The following MYO1H variants were observed in gnomAD, a reference collection of about 807,000 sequenced individuals.
MYO1H encodes myosin IH, also known as unconventional myosin-Ih.
Under a neutral mutation model 149.3 loss-of-function variants are expected in MYO1H, and 118 were observed. That is an observed-to-expected ratio of 0.79 (90% CI 0.68 to 0.92). The LOEUF (loss-of-function observed/expected upper bound fraction) is 0.92. Among genes scored for constraint, MYO1H ranks in the 40% least tolerant of loss-of-function variants. MYO1H has a pLI of 0.00. For synonymous variants in MYO1H, 447 were observed against 465.2 expected (o/e 0.96, Z 0.50); for missense variants, 1,212 against 1,280.7 (o/e 0.95, Z 0.82).
At chr12:109,446,562 G>A (rs7959663) in intron 31 of MYO1H, 2 of 581,082 alleles carry the variant, frequency 3.4e-6, no homozygotes, top group Non-Finnish European at 4.3e-6. Context: ...TCAGGAGTTC[G>A]AGACCAGTCT....
chr12:109,383,648 G>T (rs1167543252), intron 1 of MYO1H, among the ~76,000 whole-genome samples: 2 of 152,188 alleles, frequency 1.3e-5, no homozygotes, highest in African/African-American at 4.8e-5. Flanking sequence ...AATAACACTG[G>T]AAGGGTCTTA....
At chr12:109,425,846 T>C (rs945700391) in intron 17 of MYO1H, 100 bp from the exon 18 acceptor site, 85 of 847,706 alleles carry the variant, frequency 1.0e-4, no homozygotes, top group Non-Finnish European at 1.5e-4. Flanking sequence ...TTCAGCTCTA[T>C]AGGGCTGACA....
chr12:109,391,325 C>T (rs1418237722), intron 2 of MYO1H, among the ~76,000 whole-genome samples: 5 of 152,264 alleles, frequency 3.3e-5, no homozygotes, highest in South Asian at 4.1e-4. Context: ...AGCAAGAACA[C>T]GCAGTGTTTG....
At chr12:109,375,213 C>T (rs1450071305) in intron 1 of MYO1H, among the ~76,000 whole-genome samples, 3 of 146,444 alleles carry the variant, frequency 2.0e-5, no homozygotes, top group African/African-American at 7.5e-5. Context: ...AGTGCAGTGG[C>T]ACAATCTTGG....
At chr12:109,421,856 G>T (rs1046165256) in intron 16 of MYO1H, among the ~76,000 whole-genome samples, 5 of 152,102 alleles carry the variant, frequency 3.3e-5, no homozygotes, top group Admixed American at 6.6e-5. Flanking sequence ...GACAGGGTCT[G>T]GCTCTGTCAC....
the MYO1H span, among the ~76,000 whole-genome samples, chr12:109,336,755 C>T: frequency 0.14 from 21,819 of 152,100 alleles, 2,774 homozygotes; most frequent in African/African-American, 0.34. Context: ...TTGGCCAGGC[C>T]TGGGTCACAT....
intron 29 of MYO1H, 22 bp from the exon 30 acceptor site, chr12:109,444,410 C>A (rs1233261343): frequency 1.2e-6 from 2 of 1,603,066 alleles, no homozygotes; most frequent in Non-Finnish European, 1.7e-6. Flanking sequence ...TGAAATTATG[C>A]CTTGTCTCCT....
intron 1 of MYO1H, among the ~76,000 whole-genome samples, chr12:109,363,268 C>G (rs1868791637): frequency 6.6e-6 from 1 of 152,192 alleles, no homozygotes; most frequent in African/African-American, 2.4e-5. Context: ...TGCCCCTGAC[C>G]AAGGAGAGTA....
chr12:109,436,443 C>A, intron 21 of MYO1H, 45 bp from the exon 22 acceptor site: 2 of 1,440,392 alleles, frequency 1.4e-6, no homozygotes, highest in Non-Finnish European at 1.9e-6. Flanking sequence ...CACAAAGATG[C>A]GCAAATGCAA....
At chr12:109,390,359 T>C (rs553218641) in intron 2 of MYO1H, among the ~76,000 whole-genome samples, 19 of 151,672 alleles carry the variant, frequency 1.3e-4, no homozygotes, top group Non-Finnish European at 2.8e-4. Flanking sequence ...ATAATCTTAA[T>C]ATATACTTTA....
chr12:109,350,560 C>T (rs748836801), intron 1 of MYO1H, among the ~76,000 whole-genome samples: 3 of 152,190 alleles, frequency 2.0e-5, no homozygotes, highest in Non-Finnish European at 4.4e-5. Flanking sequence ...GTGCATGGAA[C>T]CTCTTTCCTT....
chr12:109,437,756 C>T (rs559274978), intron 22 of MYO1H, among the ~76,000 whole-genome samples: 7 of 148,920 alleles, frequency 4.7e-5, no homozygotes, highest in African/African-American at 1.3e-4. Flanking sequence ...TCTGAGGATT[C>T]GAAGAAAAGC....
chr12:109,326,614 T>G, the MYO1H span, among the ~76,000 whole-genome samples: 2 of 151,936 alleles, frequency 1.3e-5, no homozygotes, highest in Admixed American at 6.6e-5. Flanking sequence ...CTCCGCCTCC[T>G]GGGTTCAAGC....
intron 2 of MYO1H, among the ~76,000 whole-genome samples, chr12:109,392,541 G>A (rs1474058951): frequency 1.3e-5 from 2 of 152,042 alleles, no homozygotes; most frequent in Non-Finnish European, 1.5e-5. Flanking sequence ...TGGCCAACAT[G>A]GTGAAACTGC....
intron 1 of MYO1H, among the ~76,000 whole-genome samples, chr12:109,374,974 C>A (rs182087851): frequency 1.5e-4 from 22 of 151,568 alleles, no homozygotes; most frequent in Admixed American, 9.2e-4. Flanking sequence ...CCTTACTCAG[C>A]CTCCTGAGTA....
chr12:109,441,029 G>A (rs745924578), intron 25 of MYO1H, among the ~76,000 whole-genome samples: 3 of 152,218 alleles, frequency 2.0e-5, no homozygotes, highest in South Asian at 2.1e-4. Context: ...GCATGGCTCC[G>A]TTTGTTACCA....
Position 109,435,081 on chromosome 12 carries a change from A to AAG in MYO1H, c.2110_2111dup (p.Asp704GlufsTer11). 6.2e-7 allele frequency: 1 copy of AAG among 1,609,832 alleles called. No individual in the cohort carries two copies. Among genetic ancestry groups the AAG allele is most frequent in the South Asian group, 1.1e-5 (1 of 89,702 alleles). ...TTCCCCAGAACTCTGTTTGCTACCG[A>AAG]AGATGCCTTTGAATTTAGTAAACAT... is the stretch of plus-strand genomic sequence containing the variant. On this transcript the variant is annotated frameshift_variant, in exon 21 of 32. Coordinates refer to ENST00000310903, the Ensembl canonical transcript of MYO1H. LOFTEE classifies it high-confidence loss of function.
At chr12:109,352,907 G>T (rs1163185700) in intron 1 of MYO1H, among the ~76,000 whole-genome samples, 1 of 147,564 alleles carries the variant, frequency 6.8e-6, no homozygotes. Context: ...TTTGATGAAG[G>T]TATATACCTG....
At chr12:109,381,670 G>A (rs1869208338) in intron 1 of MYO1H, among the ~76,000 whole-genome samples, 1 of 140,708 alleles carries the variant, frequency 7.1e-6, no homozygotes, top group African/African-American at 2.7e-5. Context: ...GTTGGGTGTG[G>A]TGGTGCAAGC....
Sources: allele counts gnomAD v4.1 joint callset (sites outside exome capture counted in the v4.1 genomes callset), GRCh38; gene constraint gnomAD v4.1.1; transcripts MANE v1.5; gene names NCBI Gene and HGNC (gene_info 2026-07-23, HGNC 2026-07-21).